PDZRN3: variants seen among roughly 807,000 people sequenced by gnomAD.
The protein encoded by PDZRN3 is PDZ domain containing ring finger 3.
In PDZRN3, 38 loss-of-function variants were observed where a neutral mutation model predicts 85.7. That is an observed-to-expected ratio of 0.44 (90% CI 0.34 to 0.58). The LOEUF (loss-of-function observed/expected upper bound fraction) is 0.58. PDZRN3 is among the 20% of genes least tolerant of loss of function. PDZRN3 has a pLI of 0.01. For missense variants in PDZRN3, 1,629 were observed against 1,506.4 expected, an observed-to-expected ratio of 1.08 and a Z score of -1.35; for synonymous variants, 759 against 638.0, an observed-to-expected ratio of 1.19 and a Z score of -2.86.
intron 4 of PDZRN3, chr3:73,401,912 C>T (rs1701757175): frequency 6.6e-6 from 1 of 152,216 alleles, no homozygotes; most frequent in African/African-American, 2.4e-5. Flanking sequence ...CCCTCCCAGG[C>T]ACTTAGTTTT....
At chr3:73,538,560 T>A (rs747084970) in intron 3 of PDZRN3, among the ~76,000 whole-genome samples, 4 of 152,238 alleles carry the variant, frequency 2.6e-5, no homozygotes, top group African/African-American at 4.8e-5. Context: ...ATTTTAATAA[T>A]GTATTTATTA....
At chr3:73,585,554 C>CG (rs1256582829) in intron 3 of PDZRN3, among the ~76,000 whole-genome samples, 1 of 152,124 alleles carries the variant, frequency 6.6e-6, no homozygotes, top group African/African-American at 2.4e-5. Flanking sequence ...ACCCCTTTGC[C>CG]GCACCCCCAC....
intron 3 of PDZRN3, among the ~76,000 whole-genome samples, chr3:73,550,252 C>T (rs911787502): frequency 6.6e-6 from 1 of 152,186 alleles, no homozygotes; most frequent in African/African-American, 2.4e-5. Flanking sequence ...CCCCTCAACC[C>T]CCCAGACCTA....
chr3:73,395,794 C>A (rs537735853), intron 5 of PDZRN3, among the ~76,000 whole-genome samples: 1 of 152,156 alleles, frequency 6.6e-6, no homozygotes, highest in Non-Finnish European at 1.5e-5. Context: ...GCATTTTATT[C>A]CTTCATTCAA....
intron 5 of PDZRN3, among the ~76,000 whole-genome samples, chr3:73,397,088 C>A (rs775179545): frequency 6.7e-6 from 1 of 148,942 alleles, no homozygotes; most frequent in Non-Finnish European, 1.5e-5. Context: ...GGCTGGAGTG[C>A]GGTGGCACAA....
intron 3 of PDZRN3, among the ~76,000 whole-genome samples, chr3:73,546,478 A>C (rs1701425795): frequency 6.6e-6 from 1 of 152,226 alleles, no homozygotes; most frequent in Non-Finnish European, 1.5e-5. Flanking sequence ...TTGAGAAATA[A>C]ATGTAACCAA....
At chr3:73,498,669 A>T (rs1417370088) in intron 3 of PDZRN3, among the ~76,000 whole-genome samples, 2 of 150,952 alleles carry the variant, frequency 1.3e-5, no homozygotes, top group African/African-American at 4.9e-5. Context: ...ACTGCAACCT[A>T]CGCCTCCTGG....
chr3:73,440,655 G>T (rs894649704), intron 3 of PDZRN3, among the ~76,000 whole-genome samples: 2 of 152,182 alleles, frequency 1.3e-5, no homozygotes, highest in African/African-American at 4.8e-5. Context: ...AGTCATCTTT[G>T]TAACCCCTGA....
chr3:73,388,559 G>A (rs954145752), intron 7 of PDZRN3, among the ~76,000 whole-genome samples: 1 of 152,028 alleles, frequency 6.6e-6, no homozygotes, highest in South Asian at 2.1e-4. Flanking sequence ...GGGTCAAGTG[G>A]GCGTGACACT....
At chr3:73,460,230 G>A in intron 3 of PDZRN3, among the ~76,000 whole-genome samples, 1 of 152,172 alleles carries the variant, frequency 6.6e-6, no homozygotes, top group Non-Finnish European at 1.5e-5. Flanking sequence ...AAGTCTGAGC[G>A]AAAGAATCCT....
intron 8 of PDZRN3, 63 bp downstream of exon 8, chr3:73,387,905 G>T: frequency 2.6e-6 from 2 of 771,688 alleles, no homozygotes; most frequent in Non-Finnish European, 2.2e-6. Context: ...CTCTTTTGCA[G>T]GCCTGGGGAT....
chr3:73,442,321 C>A (rs908169939), intron 3 of PDZRN3, among the ~76,000 whole-genome samples: 3 of 152,088 alleles, frequency 2.0e-5, no homozygotes, highest in Admixed American at 2.0e-4. Context: ...ATTCAGGTGG[C>A]GGGCCTTTGC....
rs184271698 is a variant in PDZRN3, at chr3:73,394,632, C to T, written c.1255-3516G>A. On this transcript the variant is annotated intron_variant, in intron 5 of 9. Transcript: ENST00000263666. ...GAGCTTACTCTAGGTATTTACTTGA[C>T]GTGGATGTGAGACAGGATGGTGTGG... 2.1e-3 allele frequency among the ~76,000 whole-genome samples: 324 copies of T among 152,268 alleles called. 3 individuals are homozygous for T. Among genetic ancestry groups the T allele is most frequent in the African/African-American group, 7.0e-3 (290 of 41,562 alleles).
chr3:73,385,547 C>G (rs539673218), intron 9 of PDZRN3, 122 bp downstream of exon 9: 11 of 659,058 alleles, frequency 1.7e-5, no homozygotes, highest in Middle Eastern at 3.5e-4. Flanking sequence ...AGGCTGTTTT[C>G]TTGCTGCCTT....
At chr3:73,492,387 C>T (rs1038890175) in intron 3 of PDZRN3, among the ~76,000 whole-genome samples, 1 of 152,204 alleles carries the variant, frequency 6.6e-6, no homozygotes, top group Non-Finnish European at 1.5e-5. Context: ...CTCATTCCCT[C>T]TTGTCCTTTG....
Position 73,558,488 on chromosome 3 carries a change from G to A in PDZRN3, c.918+43866C>T, listed in dbSNP as rs184013616. On this transcript the variant is annotated intron_variant, in intron 3 of 9. Coordinates refer to ENST00000263666, the MANE Select transcript of PDZRN3 (RefSeq NM_015009.3). ...CAAAACAGATATATAGGCAAAAGTG[G>A]ATAAACTAGATGACTCATCCTTCAC... 5.4e-3 allele frequency among the ~76,000 whole-genome samples: 818 copies of A among 152,248 alleles called. 15 individuals are homozygous for A. Among genetic ancestry groups the A allele is most frequent in the South Asian group, 4.8e-3 (23 of 4,822 alleles).
chr3:73,618,918 A>G (rs2106917705), intron 1 of PDZRN3, among the ~76,000 whole-genome samples: 1 of 152,354 alleles, frequency 6.6e-6, no homozygotes, highest in South Asian at 2.1e-4. Context: ...CCTGTGCAGG[A>G]GCTTTTCAGA....
At chr3:73,433,826 A>G (rs1575651282) in intron 3 of PDZRN3, 2 of 1,467,568 alleles carry the variant, frequency 1.4e-6, no homozygotes, top group East Asian at 2.5e-5. Context: ...AAGCGACTGC[A>G]ACGCTTCACA....
At chr3:73,397,270 T>C (rs1701658460) in intron 5 of PDZRN3, among the ~76,000 whole-genome samples, 1 of 152,238 alleles carries the variant, frequency 6.6e-6, no homozygotes, top group Non-Finnish European at 1.5e-5. Flanking sequence ...TTTCCTCGTA[T>C]ATAATATCCA....
Sources: gnomAD v4.1 joint callset for allele counts (sites outside exome capture counted in the v4.1 genomes callset) on GRCh38, gnomAD v4.1.1 for gene constraint, MANE v1.5 for transcripts, NCBI Gene and HGNC (gene_info 2026-07-23, HGNC 2026-07-21) for gene names.